Variants in DNAH2 observed in about 807,000 individuals in gnomAD.
DNAH2 encodes the protein axonemal beta dynein heavy chain 2.
DNAH2 carries 323 observed loss-of-function variants against 523.5 expected under a neutral mutation model. The observed-to-expected ratio is 0.62, with a 90% CI of 0.56 to 0.68. The LOEUF (loss-of-function observed/expected upper bound fraction) is 0.68, where lower values mean the gene tolerates loss of function less well. Ranked by LOEUF, DNAH2 falls within the 30% of genes least tolerant of loss-of-function variation. DNAH2 has a pLI of 0.00. For missense variants in DNAH2, 4,907 were observed against 5,701.5 expected (o/e 0.86, Z 4.49); for synonymous variants, 2,093 against 2,177.4 (o/e 0.96, Z 1.08).
chr17:7,814,024 A>C (rs2077589776), intron 63 of DNAH2, among the ~76,000 whole-genome samples: 1 of 152,026 alleles, frequency 6.6e-6, no homozygotes, highest in African/African-American at 2.4e-5. Flanking sequence ...TATTTTCTTT[A>C]TATATAAATG....
intron 12 of DNAH2, among the ~76,000 whole-genome samples, chr17:7,756,398 C>T (rs1368499610): frequency 6.6e-6 from 1 of 151,762 alleles, no homozygotes; most frequent in African/African-American, 2.4e-5. Flanking sequence ...AGCTTAGCCT[C>T]CAGAGTAGCT....
At chr17:7,726,286 A>G (rs927827380) in intron 3 of DNAH2, among the ~76,000 whole-genome samples, 11 of 143,096 alleles carry the variant, frequency 7.7e-5, no homozygotes, top group Non-Finnish European at 1.5e-4. Flanking sequence ...GATTACAGGC[A>G]TGAGCCACCA....
rs71159523 is a variant in DNAH2 at position 7,721,004 on chromosome 17, CTT to C, written c.166+1125_166+1126del. The stretch of plus-strand genomic sequence containing the variant: ...GCTCCAAGCTTTCTTTTCTTTCTTT[CTT>C]TTTTTTTTTTTTTTTTTTTTGAGAC... On this transcript the variant is annotated intron_variant, in intron 2 of 85. Coordinates refer to ENST00000572933, the MANE Select transcript of DNAH2 (RefSeq NM_020877.5). Among the ~76,000 whole-genome samples, 127 of 109,722 alleles carry C rather than the reference CTT, an allele frequency of 1.2e-3. 1 individual carries two copies. Among genetic ancestry groups the C allele is most frequent in the Middle Eastern group, 6.1e-3 (1 of 164 alleles). 72.0% of individuals were successfully genotyped at this position (109,722 alleles called of 152,430 possible).
intron 13 of DNAH2, 117 bp downstream of exon 13, chr17:7,757,354 A>G: frequency 1.5e-6 from 2 of 1,323,316 alleles, no homozygotes; most frequent in Non-Finnish European, 2.0e-6. Context: ...CATCTTTTCC[A>G]TCTCAAAAAA....
At chr17:7,829,797 G>A (rs1473744572) in intron 77 of DNAH2, among the ~76,000 whole-genome samples, 1 of 151,874 alleles carries the variant, frequency 6.6e-6, no homozygotes, top group Admixed American at 6.6e-5. Flanking sequence ...GGCCGAGGCG[G>A]GTGGATTGCT....
chr17:7,737,299 G>A (rs773595979), intron 8 of DNAH2, 41 bp downstream of exon 8: 1 of 1,592,734 alleles, frequency 6.3e-7, no homozygotes, highest in South Asian at 1.1e-5. Flanking sequence ...GTTTATGAGG[G>A]TGGCCGGGTT....
rs752642968 is a variant in DNAH2, at chr17:7,733,187, A to G, written c.500A>G (p.Tyr167Cys). The G allele has an allele frequency of 3.7e-6, 6 of 1,614,102 alleles. No individual in the cohort carries two copies. The highest frequency in any genetic ancestry group is 5.1e-6 in the Non-Finnish European group (6 of 1,180,024). The change falls in exon 5 of 86, where the codon TAT becomes TGT. Residue 167 changes from tyrosine (Y) to cysteine (C), a missense_variant. By Grantham distance (194) the Tyr-to-Cys change is radical. Around this residue, in one of 3 missense-constraint regions of DNAH2, gnomAD observed 2,806 missense variants for 3,190.8 expected, o/e 0.88. Coordinates refer to ENST00000572933, the MANE Select transcript of DNAH2 (RefSeq NM_020877.5). ...CAGTTTGGGACGGTGCGGGGCCCCT[A>G]TATCCCGGCCCTGCTTCGGCTGCTC... The part of the protein sequence containing the change: ...TVQFGTVRGP[Y>C]IPALLRLLGG...
intron 12 of DNAH2, among the ~76,000 whole-genome samples, chr17:7,755,317 G>A (rs1416280536): frequency 1.3e-5 from 2 of 152,076 alleles, no homozygotes. Flanking sequence ...GTGCCAAGCT[G>A]TGTGGTCATG....
chr17:7,823,787 C>G, intron 74 of DNAH2, 47 bp from the exon 75 acceptor site: 2 of 1,604,214 alleles, frequency 1.2e-6, no homozygotes, highest in Non-Finnish European at 1.7e-6. Flanking sequence ...ATTCCCCGCT[C>G]TTCCAGACTC....
rs760891410 is a variant in DNAH2 at position 7,770,786 on chromosome 17, T to C, written c.4215T>C (p.Asp1405=). ...AAGAAGTATTCCAGGCACTGGAAGA[T>C]AACCAGGTAGCTCTGTCTACCATGA... ...GTEEVFQALE[D]NQVALSTMKA... The change falls in exon 27 of 86, where the codon GAT becomes GAC. Residue 1405 remains aspartate (D), a synonymous_variant. Coordinates refer to ENST00000572933, the MANE Select transcript of DNAH2 (RefSeq NM_020877.5). 2 of 1,614,152 alleles carry C rather than the reference T, an allele frequency of 1.2e-6. No individual in the cohort carries two copies. The highest frequency in any genetic ancestry group is 4.5e-5 in the East Asian group (2 of 44,888).
At chr17:7,791,463 A>G (rs2076895306) in intron 44 of DNAH2, among the ~76,000 whole-genome samples, 1 of 152,234 alleles carries the variant, frequency 6.6e-6, no homozygotes, top group South Asian at 2.1e-4. Context: ...CTGTATTACT[A>G]CACGTAGATT....
At chr17:7,808,488 A>G (rs193261406) in intron 63 of DNAH2, among the ~76,000 whole-genome samples, 1 of 152,270 alleles carries the variant, frequency 6.6e-6, no homozygotes, top group African/African-American at 2.4e-5. Flanking sequence ...TTTTTAAATG[A>G]TTGATTTAAT....
At chr17:7,757,037 T>C in intron 12 of DNAH2, 54 bp from the exon 13 acceptor site, 1 of 1,605,458 alleles carries the variant, frequency 6.2e-7, no homozygotes, top group Non-Finnish European at 8.5e-7. Flanking sequence ...CGATTGTTGC[T>C]CTAGTTTATC....
At chr17:7,768,463 A>G (rs947781261) in intron 24 of DNAH2, among the ~76,000 whole-genome samples, 196 bp downstream of exon 24, 10 of 152,216 alleles carry the variant, frequency 6.6e-5, no homozygotes, top group African/African-American at 2.4e-4. Context: ...ACTTTGGTGT[A>G]CAGCATAATG....
Position 7,773,887 on chromosome 17 carries a change from G to A in DNAH2, c.4502-872G>A, listed in dbSNP as rs570273095. Among the ~76,000 whole-genome samples the A allele has an allele frequency of 5.9e-5, 9 of 152,094 alleles. No homozygotes were observed. The South Asian group carries it at 8.3e-4, about 14-fold the overall frequency. On this transcript the variant is annotated intron_variant, in intron 28 of 85. Coordinates refer to ENST00000572933, the MANE Select transcript of DNAH2 (RefSeq NM_020877.5). Reference sequence around the variant, plus strand: ...TTGGATTACAGGCACCCGCCACCACGCCTGGCTAATTTTTGTATTTTTAGT... The same window carrying A: ...TTGGATTACAGGCACCCGCCACCACACCTGGCTAATTTTTGTATTTTTAGT...
chr17:7,824,480 A>G, intron 76 of DNAH2, 57 bp from the exon 77 acceptor site: 1 of 1,452,854 alleles, frequency 6.9e-7, no homozygotes, highest in African/African-American at 1.4e-5. Context: ...GGTGGAAAGC[A>G]TGAGGACAGG....
rs185128737 is a variant in DNAH2, at chr17:7,743,802, T to C, written c.1904+660T>C. 145 of 160,264 alleles carry C rather than the reference T, an allele frequency of 9.0e-4. 3 individuals are homozygous for C. The highest frequency in any genetic ancestry group is 8.5e-3 in the Admixed American group (132 of 15,562). The allele number at this position is 160,264 out of a possible 1,614,324, so 9.9% of individuals were successfully genotyped here. ...GACTGTTGGTGGGGCTGTCAGACCA[T>C]GCCTTCTTCTACAGCTTCATTGTTA... On this transcript the variant is annotated intron_variant, in intron 12 of 85. Transcript: ENST00000572933.
Position 7,798,461 on chromosome 17 carries a change from G to A in DNAH2, c.8399-97G>A. 2 of 1,553,172 alleles carry A rather than the reference G, an allele frequency of 1.3e-6. No individual in the cohort carries two copies. Among genetic ancestry groups the A allele is most frequent in the South Asian group, 2.4e-5 (2 of 82,270 alleles). On this transcript the variant is annotated intron_variant, in intron 54 of 85. Transcript: ENST00000572933. This position sits in a 1 kb window ranked among gnomAD's most constrained non-coding sequence, Gnocchi z 5.5. The stretch of plus-strand genomic sequence containing the variant: ...GGGTGTAGGATGGTGTCGCGTGTAT[G>A]CTGCGGGGCGGGGAGGGTTCCTAAA...
intron 46 of DNAH2, 152 bp downstream of exon 46, chr17:7,792,495 C>T: frequency 9.8e-7 from 1 of 1,019,964 alleles, no homozygotes; most frequent in Non-Finnish European, 1.5e-6. Flanking sequence ...GAAGCGGGAC[C>T]TAGAGGGCTT....
Sources: allele counts gnomAD v4.1 joint callset (sites outside exome capture counted in the v4.1 genomes callset), GRCh38; gene constraint gnomAD v4.1.1; regional missense constraint gnomAD v4.1.1; non-coding constraint Gnocchi (gnomAD v3.1); transcripts MANE v1.5; gene names NCBI Gene and HGNC (gene_info 2026-07-23, HGNC 2026-07-21).